PAF1: variants seen among roughly 807,000 people sequenced by gnomAD.
PAF1 encodes the protein PAF1 component of Paf1/RNA polymerase II complex.
A neutral mutation model predicts 68.4 loss-of-function variants in PAF1; 31 were observed. The observed-to-expected ratio is 0.45, with a 90% confidence interval of 0.34 to 0.61. The LOEUF is 0.61. Among genes scored for constraint, PAF1 ranks in the 20% least tolerant of loss-of-function variants. PAF1 has a pLI of 0.01. For missense variants in PAF1, 435 were observed against 692.9 expected (o/e 0.63, Z 4.18); for synonymous variants, 256 against 240.5 (o/e 1.06, Z -0.60).
Position 39,389,504 on chromosome 19 carries a change from A to G in PAF1, c.335T>C (p.Ile112Thr). ...CCTCTTGGAGCTGGTGGGGGCCTGA[A>G]TCTCCTCTTCCAAAAGTTTCTCATC... is the stretch of plus-strand genomic sequence containing the variant. The part of the protein sequence containing the change: ...PADEKLLEEE[I>T]QAPTSSKRSQ... Residue 112 changes from isoleucine (I) to threonine (T), a missense_variant, in exon 5 of 14, where the codon ATT (isoleucine) becomes ACT (threonine). Physicochemically the swap from Ile to Thr is moderately conservative, Grantham distance 89. This residue lies in a region of PAF1 where 77 missense variants were observed against 118.2 expected (regional missense o/e 0.65). Transcript: ENST00000221265. This position sits in a 1 kb window ranked among gnomAD's most constrained non-coding sequence, Gnocchi z 5.3. 6.2e-7 allele frequency: 1 copy of G among 1,614,130 alleles called. No homozygotes were observed. The highest frequency in any genetic ancestry group is 8.5e-7 in the Non-Finnish European group (1 of 1,180,004).
rs1184747484 is a variant in PAF1, at chr19:39,388,967, G to A, written c.616C>T (p.Pro206Ser). Residue 206 changes from proline (P) to serine (S), a missense_variant, in exon 8 of 14, where the codon CCT becomes TCT. Pro to Ser is a moderately conservative substitution (Grantham distance 74). Transcript: ENST00000221265. ...KPRVTPVEVM[P>S]VFPDFKMWIN... ...CTGACCTTAAAGTCTGGGAAGACAG[G>A]CATGACCTCCACCGGTGTGACTCGG... The A allele has an allele frequency of 6.2e-7, 1 of 1,613,966 alleles. No homozygotes were observed. The highest frequency in any genetic ancestry group is 8.5e-7 in the Non-Finnish European group (1 of 1,179,988).
At position 39,390,980 on chromosome 19, in the gene PAF1, C is replaced by T; in HGVS notation, c.-116G>A. ...GAGGAAGGCCCAGCTTGGCGCCGCT[C>T]CCCGCGGAAAGTGGGTTGAGATGAG... On this transcript the variant is annotated 5_prime_UTR_variant, in exon 1 of 14. Transcript: ENST00000221265. The T allele has an allele frequency of 9.2e-7, 1 of 1,085,366 alleles. No homozygotes were observed. Among genetic ancestry groups the T allele is most frequent in the Non-Finnish European group, 1.3e-6 (1 of 761,496 alleles). 67.2% of individuals were successfully genotyped at this position (1,085,366 alleles called of 1,614,324 possible).
chr19:39,387,581 T>C (rs184701239), intron 11 of PAF1, among the ~76,000 whole-genome samples: 1 of 152,334 alleles, frequency 6.6e-6, no homozygotes, highest in African/African-American at 2.4e-5. Flanking sequence ...GTCACAGTTC[T>C]TGTAATCTCT....
chr19:39,385,951 A>C lies in PAF1; in HGVS notation c.*40T>G, dbSNP rs771271875. 8.7e-6 allele frequency: 14 copies of C among 1,608,514 alleles called. No individual in the cohort carries two copies. Among genetic ancestry groups the C allele is most frequent in the Non-Finnish European group, 1.2e-5 (14 of 1,178,642 alleles). ...CCACTAGAAAAGTGCTTTGCTGCTCACAATAATGGTGTCTGAACCAGCCCT... is the reference window on the plus strand; with the variant it reads ...CCACTAGAAAAGTGCTTTGCTGCTCCCAATAATGGTGTCTGAACCAGCCCT... On this transcript the variant is annotated 3_prime_UTR_variant, in exon 14 of 14. Coordinates refer to ENST00000221265, the MANE Select transcript of PAF1 (RefSeq NM_019088.4).
At chr19:39,387,206 C>T (rs756369679) in intron 11 of PAF1, 10 of 436,256 alleles carry the variant, frequency 2.3e-5, no homozygotes, top group South Asian at 1.7e-4. Flanking sequence ...CAAGGTTGTA[C>T]AGCATGTGAC....
rs748731291 is a variant in PAF1 at position 39,388,486 on chromosome 19, G to A, written c.858-19C>T. ...GTCATACCTGAAGATGAGGGCACAG[G>A]TTCAGCCCCATTTCTTCCCTATCCC... On this transcript the variant is annotated intron_variant, in intron 10 of 13. Transcript: ENST00000221265. 45 of 1,614,120 alleles carry A rather than the reference G, an allele frequency of 2.8e-5. 1 individual carries two copies. The South Asian group carries it at 4.9e-4, about 18-fold the overall frequency.
At chr19:39,387,297 G>A (rs1212730472) in intron 11 of PAF1, 3 of 307,374 alleles carry the variant, frequency 9.8e-6, no homozygotes, top group East Asian at 8.4e-5. Context: ...GTAAAGATAC[G>A]GTATTCTATC....
rs961330342 is a variant in PAF1, at chr19:39,385,671, G to GA, written c.*319dup. On this transcript the variant is annotated 3_prime_UTR_variant, in exon 14 of 14. Coordinates refer to ENST00000221265, the MANE Select transcript of PAF1 (RefSeq NM_019088.4). ...TGTTTAATGGTCTGGGCTTATTTTG[G>GA]AAAAAAAAAAAACAAACAAAAAAAA... 0.15 allele frequency: 51,419 copies of GA among 341,432 alleles called. 1 individual carries two copies. Among genetic ancestry groups the GA allele is most frequent in the Middle Eastern group, 0.21 (249 of 1,184 alleles). 21.2% of individuals were successfully genotyped at this position (341,432 alleles called of 1,614,324 possible).
chr19:39,386,847 A>C lies in PAF1; in HGVS notation c.987-48T>G, dbSNP rs371018460. 1.5e-6 allele frequency: 2 copies of C among 1,301,482 alleles called. No individual in the cohort carries two copies. Among genetic ancestry groups the C allele is most frequent in the African/African-American group, 2.9e-5 (2 of 68,972 alleles). 80.6% of individuals were successfully genotyped at this position (1,301,482 alleles called of 1,614,324 possible). ...AGAGAAGTGGAAGATGCAGTTAAAG[A>C]CACACCTCCCACTTCCCCGCCCCCC... On this transcript the variant is annotated intron_variant, in intron 11 of 13. Transcript: ENST00000221265. This position sits in a 1 kb window ranked among gnomAD's most constrained non-coding sequence, Gnocchi z 6.1.
chr19:39,386,537 C>CGGTTCGTGGTTTTCTAGCTG lies in PAF1; in HGVS notation c.1108_1127dup (p.Glu377SerfsTer2). ...CCATCTCCTCTTCCTCTTCCTCCTCCGGTTCGTGGTTTTCTAGCTGGGCCT... is the reference window on the plus strand; with the variant it reads ...CCATCTCCTCTTCCTCTTCCTCCTCCGGTTCGTGGTTTTCTAGCTGGGTTCGTGGTTTTCTAGCTGGGCCT... On this transcript the variant is annotated stop_gained and frameshift_variant, in exon 13 of 14. Transcript: ENST00000221265. LOFTEE classifies it high-confidence loss of function. The surrounding 1 kb of genome is among the most constrained non-coding windows in gnomAD (Gnocchi z 6.1). 6.2e-7 allele frequency: 1 copy of CGGTTCGTGGTTTTCTAGCTG among 1,614,144 alleles called. No individual in the cohort carries two copies. Among genetic ancestry groups the CGGTTCGTGGTTTTCTAGCTG allele is most frequent in the Non-Finnish European group, 8.5e-7 (1 of 1,180,028 alleles).
intron 1 of PAF1, 77 bp downstream of exon 1, chr19:39,390,741 G>C: frequency 2.1e-6 from 3 of 1,449,564 alleles, no homozygotes; most frequent in Non-Finnish European, 2.8e-6. Context: ...GGGCAGACCT[G>C]GGGGCTGGTG....
chr19:39,386,589 T>A lies in PAF1; in HGVS notation c.1093-17A>T. 6.2e-7 allele frequency: 1 copy of A among 1,613,592 alleles called. No homozygotes were observed. The highest frequency in any genetic ancestry group is 1.3e-5 in the African/African-American group (1 of 75,040). On this transcript the variant is annotated splice_polypyrimidine_tract_variant and intron_variant, in intron 12 of 13. Transcript: ENST00000221265. The surrounding 1 kb of genome is among the most constrained non-coding windows in gnomAD (Gnocchi z 6.1). ...CCGTGCCTCCTGGAAGCAGCAAGAT[T>A]GGAATGAGGGGAAGGAGGGTGTTCT...
Position 39,389,168 on chromosome 19 carries a change from G to A in PAF1, c.492C>T (p.Thr164=), listed in dbSNP as rs758763683. 25 of 1,613,870 alleles carry A rather than the reference G, an allele frequency of 1.5e-5. No individual in the cohort carries two copies. The highest frequency in any genetic ancestry group is 1.3e-4 in the East Asian group (6 of 44,894). The change falls in exon 7 of 14, where the codon ACC becomes ACT. Residue 164 remains threonine, a synonymous_variant. Transcript: ENST00000221265. This position sits in a 1 kb window ranked among gnomAD's most constrained non-coding sequence, Gnocchi z 5.3. The part of the protein sequence containing the change: ...KIGVSVKQQF[T]EEEIYKDRDS... ...CCCTGTCTTTGTATATTTCTTCCTC[G>A]GTAAACTGCTGCTTCACAGAAACCC...
chr19:39,390,612 C>A (rs1359995447), intron 1 of PAF1, among the ~76,000 whole-genome samples: 1 of 152,152 alleles, frequency 6.6e-6, no homozygotes, highest in Non-Finnish European at 1.5e-5. Context: ...GGAGGGATCC[C>A]TTCTGGAGGG....
intron 1 of PAF1, 126 bp from the exon 2 acceptor site, chr19:39,390,415 T>G: frequency 1.2e-6 from 1 of 861,378 alleles, no homozygotes; most frequent in Non-Finnish European, 1.9e-6. Context: ...GGTGGTGGTG[T>G]GGGGAGTGTC....
In PAF1 at chr19:39,388,961, A is replaced by G; in HGVS notation, c.622T>C (p.Phe208Leu). 1 of 1,614,096 alleles carries G rather than the reference A, an allele frequency of 6.2e-7. No individual in the cohort carries two copies. The stretch of plus-strand genomic sequence containing the variant: ...TTGGGCCTGACCTTAAAGTCTGGGA[A>G]GACAGGCATGACCTCCACCGGTGTG... Reference protein sequence around the residue: ...RVTPVEVMPVFPDFKMWINPC... With the variant: ...RVTPVEVMPVLPDFKMWINPC... The change falls in exon 8 of 14, where the codon TTC (phenylalanine) becomes CTC (leucine). Residue 208 changes from phenylalanine to leucine, a missense_variant. Around this residue, in one of 7 missense-constraint regions of PAF1, gnomAD observed 151 missense variants for 306.3 expected, o/e 0.49. Coordinates refer to ENST00000221265, the MANE Select transcript of PAF1 (RefSeq NM_019088.4).
chr19:39,388,190 T>C (rs568256869), intron 11 of PAF1, 149 bp downstream of exon 11: 217 of 750,810 alleles, frequency 2.9e-4, no homozygotes, highest in Non-Finnish European at 4.3e-4. Flanking sequence ...CAAGTCCAGC[T>C]CATGTGCATG....
chr19:39,389,065 C>T lies in PAF1; in HGVS notation c.567+28G>A, dbSNP rs539565659. 9.3e-4 allele frequency: 1,500 copies of T among 1,612,012 alleles called. 20 individuals are homozygous for T. In the South Asian group the frequency reaches 0.015, roughly 17 times the overall value. ...GAGGAGCTCTGCAGCCGCACCCTTGCCTCTCCCCATCCCAGTCCCTCAATT... is the reference window on the plus strand; with the variant it reads ...GAGGAGCTCTGCAGCCGCACCCTTGTCTCTCCCCATCCCAGTCCCTCAATT... On this transcript the variant is annotated intron_variant, in intron 7 of 13. Transcript: ENST00000221265. The surrounding 1 kb of genome is among the most constrained non-coding windows in gnomAD (Gnocchi z 5.3).
Position 39,388,568 on chromosome 19 carries a change from T to TG in PAF1, c.848dup (p.Asp284ArgfsTer2). ...AACCGCAACCCACGCACACATCATCTGGTGCATAGTCCATCTCCTCCTCCT... is the reference window on the plus strand; with the variant it reads ...AACCGCAACCCACGCACACATCATCTGGGTGCATAGTCCATCTCCTCCTCCT... On this transcript the variant is annotated frameshift_variant, in exon 10 of 14. Transcript: ENST00000221265. LOFTEE classifies it high-confidence loss of function. 6.2e-7 allele frequency: 1 copy of TG among 1,613,368 alleles called. No individual in the cohort carries two copies. The highest frequency in any genetic ancestry group is 2.2e-5 in the East Asian group (1 of 44,884).
Sources: allele counts gnomAD v4.1 joint callset (sites outside exome capture counted in the v4.1 genomes callset), GRCh38; gene constraint gnomAD v4.1.1; regional missense constraint gnomAD v4.1.1; non-coding constraint Gnocchi (gnomAD v3.1); transcripts MANE v1.5; gene names NCBI Gene and HGNC (gene_info 2026-07-23, HGNC 2026-07-21).